ZCWPW1: variants seen among roughly 807,000 people sequenced by gnomAD.
ZCWPW1 encodes zinc finger CW-type PWWP domain protein 1.
Under a neutral mutation model 81.3 loss-of-function variants are expected in ZCWPW1, and 56 were observed. That is an observed-to-expected ratio of 0.69 (90% CI 0.56 to 0.86). The LOEUF (loss-of-function observed/expected upper bound fraction) is 0.86, where lower values mean the gene tolerates loss of function less well. Ranked by LOEUF, ZCWPW1 falls within the 40% of genes least tolerant of loss-of-function variation. ZCWPW1 has a pLI of 0.00. For missense variants in ZCWPW1, 650 were observed against 769.8 expected, an observed-to-expected ratio of 0.84 and a Z score of 1.84; for synonymous variants, 250 against 273.7, an observed-to-expected ratio of 0.91 and a Z score of 0.86.
At chr7:100,414,180 T>C (rs1337142063) in intron 8 of ZCWPW1, among the ~76,000 whole-genome samples, 1 of 152,262 alleles carries the variant, frequency 6.6e-6, no homozygotes, top group Admixed American at 6.5e-5. Context: ...GAATGGTTTA[T>C]TGACCTGAAC....
chr7:100,425,749 C>G (rs1797207500), intron 1 of ZCWPW1, among the ~76,000 whole-genome samples: 1 of 152,180 alleles, frequency 6.6e-6, no homozygotes, highest in Admixed American at 6.5e-5. Flanking sequence ...TAAACCACCA[C>G]CATTCTTCAT....
chr7:100,416,162 G>A, intron 7 of ZCWPW1, 65 bp from the exon 8 acceptor site: 1 of 1,603,338 alleles, frequency 6.2e-7, no homozygotes, highest in Non-Finnish European at 8.5e-7. Flanking sequence ...GATAGTAAAG[G>A]TCAGTGAAAG....
intron 8 of ZCWPW1, among the ~76,000 whole-genome samples, chr7:100,415,116 C>CTTTGT (rs1563140271): frequency 7.8e-6 from 1 of 128,964 alleles, no homozygotes; most frequent in East Asian, 2.3e-4. Context: ...CAGAGTCTCC[C>CTTTGT]TTTGTTGCCC....
intron 11 of ZCWPW1, 67 bp downstream of exon 11, chr7:100,407,161 T>G (rs1793187748): frequency 6.9e-7 from 1 of 1,442,968 alleles, no homozygotes; most frequent in East Asian, 2.3e-5. Flanking sequence ...TATCTGTACG[T>G]CTGTGAGGAT....
intron 13 of ZCWPW1, 34 bp from the exon 14 acceptor site, chr7:100,404,278 T>C (rs1275981196): frequency 1.2e-6 from 2 of 1,600,726 alleles, no homozygotes; most frequent in East Asian, 2.2e-5. Context: ...CATCATCCAC[T>C]ACCCTTTCAG....
chr7:100,416,769 A>AC (rs1481152203), intron 6 of ZCWPW1, among the ~76,000 whole-genome samples: 2 of 151,916 alleles, frequency 1.3e-5, no homozygotes, highest in African/African-American at 2.4e-5. Context: ...GATATGGTGA[A>AC]CCCCGTCTCT....
In ZCWPW1 at chr7:100,405,080, T is replaced by A. The variant is rs768402660; in HGVS notation, c.1187A>T (p.Asn396Ile). ...CACCCCCAGTTTCTGGCTGCAGTCA[T>A]TTCTGCGCTTTTTCTGAAATAGAAG... ...LELSVMKKRR[N>I]DCSQKLGVAL... is the part of the protein sequence containing the mutation. Residue 396 changes from asparagine to isoleucine, a missense_variant, in exon 13 of 18, where the codon AAT (asparagine) becomes ATT (isoleucine). Coordinates refer to ENST00000684423, the MANE Select transcript of ZCWPW1 (RefSeq NM_001386010.1). 6.2e-7 allele frequency: 1 copy of A among 1,612,810 alleles called. No homozygotes were observed. The highest frequency in any genetic ancestry group is 1.7e-5 in the Admixed American group (1 of 59,988).
In ZCWPW1 at chr7:100,411,431, A is replaced by C. The variant is rs117300481; in HGVS notation, c.755-1887T>G. 8.2e-4 allele frequency among the ~76,000 whole-genome samples: 125 copies of C among 151,998 alleles called. No individual in the cohort carries two copies. In the East Asian group the frequency reaches 0.023, roughly 28 times the overall value. Reference sequence around the variant, plus strand: ...ACAGGCATGCACCACCACACCCAGAAAATTTTTTGTATTTATTGACAGAGG... The same window carrying C: ...ACAGGCATGCACCACCACACCCAGACAATTTTTTGTATTTATTGACAGAGG... On this transcript the variant is annotated intron_variant, in intron 8 of 17. Transcript: ENST00000684423.
chr7:100,424,675 T>G (rs1011164665), intron 2 of ZCWPW1, among the ~76,000 whole-genome samples: 1 of 152,000 alleles, frequency 6.6e-6, no homozygotes, highest in Non-Finnish European at 1.5e-5. Flanking sequence ...TTGGCCAGGA[T>G]AGTCTCAATC....
chr7:100,424,988 T>A (rs1797048454), intron 2 of ZCWPW1, 42 bp downstream of exon 2: 1 of 152,138 alleles, frequency 6.6e-6, no homozygotes, highest in African/African-American at 2.4e-5. Context: ...ATATGTATAA[T>A]CTGTGCATGT....
chr7:100,423,930 C>A (rs1273990637), intron 2 of ZCWPW1, among the ~76,000 whole-genome samples: 2 of 151,840 alleles, frequency 1.3e-5, no homozygotes, highest in Non-Finnish European at 2.9e-5. Context: ...ATTAGCCGGG[C>A]GTGGTGGCGG....
rs113097369 is a variant in ZCWPW1 at position 100,402,178 on chromosome 7, T to G, written c.1475-137A>C. The G allele has an allele frequency of 7.6e-4, 877 of 1,155,360 alleles. 8 individuals carry two copies. The African/African-American group carries it at 0.012, about 15-fold the overall frequency. 71.6% of individuals were successfully genotyped at this position (1,155,360 alleles called of 1,614,324 possible). ...TCTAGTGAGTTTTCCTGGTGGCCTC[T>G]GGCTCTTTTTCAACATCTTTTCCCC... On this transcript the variant is annotated intron_variant, in intron 16 of 17. Transcript: ENST00000684423.
At chr7:100,412,983 G>A (rs1246462787) in intron 8 of ZCWPW1, among the ~76,000 whole-genome samples, 1 of 152,082 alleles carries the variant, frequency 6.6e-6, no homozygotes, top group Admixed American at 6.6e-5. Context: ...AAACTCCTGG[G>A]CTCAAGTGAT....
At chr7:100,416,248 T>C in intron 7 of ZCWPW1, 57 bp downstream of exon 7, 1 of 1,600,486 alleles carries the variant, frequency 6.2e-7, no homozygotes, top group Non-Finnish European at 8.5e-7. Context: ...TCCCATTCCC[T>C]AATTTCCTGG....
chr7:100,428,117 C>A (rs4729589), intron 1 of ZCWPW1, among the ~76,000 whole-genome samples: 2,947 of 152,276 alleles, frequency 0.019, 345 homozygotes, highest in Admixed American at 0.17. Flanking sequence ...ACTGGCAGCG[C>A]CTAGCACCTT....
In ZCWPW1 at chr7:100,408,447, A is replaced by G. The variant is rs1211325564; in HGVS notation, c.992+92T>C. 12 of 1,517,200 alleles carry G rather than the reference A, an allele frequency of 7.9e-6. No individual in the cohort carries two copies. The South Asian group carries it at 1.1e-4, about 14-fold the overall frequency. 94.0% of individuals were successfully genotyped at this position (1,517,200 alleles called of 1,614,324 possible). A position where few individuals can be genotyped will look rare whatever the true frequency, so the allele number is the denominator to read the frequency against. On this transcript the variant is annotated intron_variant, in intron 10 of 17. Transcript: ENST00000684423. ...TCTTTCTAAGGCCAGAACCATTTCA[A>G]TTACAGATGTTTTCCATTTGCTTCC...
Position 100,406,689 on chromosome 7 carries a change from C to T in ZCWPW1, c.1173+5G>A. The T allele has an allele frequency of 2.5e-6, 4 of 1,612,936 alleles. No homozygotes were observed. The highest frequency in any genetic ancestry group is 3.4e-6 in the Non-Finnish European group (4 of 1,179,038). ...TATCACAACAGAACCCCAAGATGTG[C>T]TCACCATGACTGATAGCTCCAGGGA... On this transcript the variant is annotated splice_donor_5th_base_variant and intron_variant, in intron 12 of 17. Coordinates refer to ENST00000684423, the MANE Select transcript of ZCWPW1 (RefSeq NM_001386010.1).
At chr7:100,406,605 G>A (rs1010825314) in intron 12 of ZCWPW1, 89 bp downstream of exon 12, 3 of 1,244,778 alleles carry the variant, frequency 2.4e-6, no homozygotes, top group East Asian at 2.4e-5. Flanking sequence ...ACTTTCTCCC[G>A]ACATGGCTTA....
intron 1 of ZCWPW1, among the ~76,000 whole-genome samples, chr7:100,425,447 TA>T (rs1309451033): frequency 6.6e-6 from 1 of 151,990 alleles, no homozygotes; most frequent in Non-Finnish European, 1.5e-5. Flanking sequence ...TTAGAAATAA[TA>T]AAGGGAACCA....
Sources: allele counts gnomAD v4.1 joint callset (sites outside exome capture counted in the v4.1 genomes callset), GRCh38; gene constraint gnomAD v4.1.1; transcripts MANE v1.5; gene names NCBI Gene and HGNC (gene_info 2026-07-23, HGNC 2026-07-21).